Variants in DLG2 observed in about 807,000 individuals in gnomAD.
DLG2 encodes disks large homolog 2.
DLG2 carries 45 observed loss-of-function variants against 132.5 expected under a neutral mutation model. The ratio of observed to expected loss-of-function variants is 0.34; its 90% CI spans 0.27 to 0.44. The LOEUF (loss-of-function observed/expected upper bound fraction) is 0.44. Among genes scored for constraint, DLG2 ranks in the 20% least tolerant of loss-of-function variants. The pLI, the probability that DLG2 is intolerant of heterozygous loss-of-function variation, is 1.00. For missense variants in DLG2, 1,045 were observed against 1,196.9 expected (o/e 0.87, Z 1.87); for synonymous variants, 424 against 419.6 (o/e 1.01, Z -0.13).
chr11:83,909,226 A>G (rs1433499892), intron 15 of DLG2, among the ~76,000 whole-genome samples: 1 of 152,220 alleles, frequency 6.6e-6, no homozygotes, highest in East Asian at 1.9e-4. Context: ...AAGTTGCTAC[A>G]CAACCTTGGG....
chr11:84,403,540 T>C (rs1242534263), intron 7 of DLG2, among the ~76,000 whole-genome samples: 8 of 152,158 alleles, frequency 5.3e-5, no homozygotes, highest in South Asian at 4.2e-4. Context: ...CTCCAACCTC[T>C]ATTATTTTCT....
intron 7 of DLG2, among the ~76,000 whole-genome samples, chr11:84,386,179 A>C (rs1166732310): frequency 6.6e-6 from 1 of 151,268 alleles, no homozygotes; most frequent in Non-Finnish European, 1.5e-5. Context: ...AACTCTTAAC[A>C]CTCCTCTGGG....
At chr11:84,968,647 T>C (rs1354024373) in intron 6 of DLG2, among the ~76,000 whole-genome samples, 1 of 152,182 alleles carries the variant, frequency 6.6e-6, no homozygotes, top group Non-Finnish European at 1.5e-5. Context: ...TTGAAGACTA[T>C]GGTAGAATTT....
intron 19 of DLG2, among the ~76,000 whole-genome samples, chr11:83,605,766 AATACATGC>A (rs1477277772): frequency 6.6e-6 from 1 of 152,256 alleles, no homozygotes; most frequent in Non-Finnish European, 1.5e-5. Flanking sequence ...AACACAGAAC[AATACATGC>A]AAGAGTACTT....
chr11:84,007,229 A>T (rs2094613325), intron 11 of DLG2, among the ~76,000 whole-genome samples: 1 of 151,754 alleles, frequency 6.6e-6, no homozygotes, highest in South Asian at 2.1e-4. Flanking sequence ...TATGGTTCAG[A>T]TTTATGAAGT....
chr11:83,589,904 A>C (rs1593956953), intron 19 of DLG2, among the ~76,000 whole-genome samples: 1 of 143,368 alleles, frequency 7.0e-6, no homozygotes, highest in South Asian at 2.4e-4. Context: ...AGGCCATTAC[A>C]TAATAGTAAA....
intron 3 of DLG2, among the ~76,000 whole-genome samples, chr11:85,494,774 G>A (rs2093634672): frequency 6.6e-6 from 1 of 151,758 alleles, no homozygotes; most frequent in Admixed American, 6.6e-5. Flanking sequence ...AAATATGAAA[G>A]AAGAAATTAT....
At chr11:85,368,915 G>A (rs981703765) in intron 3 of DLG2, among the ~76,000 whole-genome samples, 1 of 152,184 alleles carries the variant, frequency 6.6e-6, no homozygotes, top group Non-Finnish European at 1.5e-5. Context: ...TTCAGGCAGT[G>A]GGCAGGAAGC....
intron 6 of DLG2, among the ~76,000 whole-genome samples, chr11:84,659,741 C>T (rs1422957618): frequency 6.6e-6 from 1 of 152,146 alleles, no homozygotes; most frequent in African/African-American, 2.4e-5. Context: ...TATAAGACCA[C>T]CCTCCTTTCT....
chr11:84,068,063 A>G (rs917124719), intron 10 of DLG2, among the ~76,000 whole-genome samples: 9 of 152,182 alleles, frequency 5.9e-5, no homozygotes, highest in Middle Eastern at 3.2e-3. Flanking sequence ...ATGTGACCAG[A>G]AGAAATAGAA....
chr11:84,376,723 C>T (rs1022856019), intron 7 of DLG2, among the ~76,000 whole-genome samples: 2 of 149,590 alleles, frequency 1.3e-5, no homozygotes, highest in African/African-American at 5.0e-5. Context: ...AAAAAAAAAA[C>T]AACTCATTTC....
intron 6 of DLG2, among the ~76,000 whole-genome samples, chr11:84,792,269 A>C (rs912561967): frequency 7.2e-5 from 11 of 152,114 alleles, no homozygotes; most frequent in African/African-American, 2.7e-4. Context: ...TCCTTGTGTC[A>C]CTGGGATAAA....
chr11:83,930,694 G>A (rs2080022854), intron 14 of DLG2, among the ~76,000 whole-genome samples: 1 of 152,176 alleles, frequency 6.6e-6, no homozygotes, highest in African/African-American at 2.4e-5. Flanking sequence ...GTGGCCCCAT[G>A]AAAATGTTCA....
At chr11:84,103,733 CAAATAT>C (rs1381412814) in intron 9 of DLG2, among the ~76,000 whole-genome samples, 2 of 152,026 alleles carry the variant, frequency 1.3e-5, no homozygotes, top group South Asian at 2.1e-4. Flanking sequence ...AGACATTTCA[CAAATAT>C]AAATATAATG....
intron 6 of DLG2, among the ~76,000 whole-genome samples, chr11:84,646,300 C>G (rs1261598837): frequency 1.3e-5 from 2 of 149,624 alleles, no homozygotes; most frequent in East Asian, 1.9e-4. Flanking sequence ...AGGGTTTGAC[C>G]ACCTCCGTGG....
chr11:83,985,658 C>A (rs1281502819), intron 11 of DLG2, among the ~76,000 whole-genome samples: 1 of 152,016 alleles, frequency 6.6e-6, no homozygotes, highest in African/African-American at 2.4e-5. Flanking sequence ...GCTTCCAGCT[C>A]CATCCATGTC....
intron 18 of DLG2, among the ~76,000 whole-genome samples, chr11:83,652,896 T>C (rs1280913483): frequency 1.3e-5 from 2 of 152,210 alleles, no homozygotes; most frequent in East Asian, 3.8e-4. Context: ...CATTACTAGC[T>C]CACACCTTCT....
At chr11:84,922,156 A>C (rs895850501) in intron 6 of DLG2, among the ~76,000 whole-genome samples, 1 of 151,894 alleles carries the variant, frequency 6.6e-6, no homozygotes, top group Non-Finnish European at 1.5e-5. Context: ...TAAAAAGGGG[A>C]AACACTTTAT....
At chr11:84,087,764 G>A (rs908713648) in intron 10 of DLG2, among the ~76,000 whole-genome samples, 6 of 152,212 alleles carry the variant, frequency 3.9e-5, no homozygotes, top group African/African-American at 1.4e-4. Flanking sequence ...GCCTTTTGAA[G>A]TTGGGAAAAG....
Sources: gnomAD v4.1 joint callset for allele counts (sites outside exome capture counted in the v4.1 genomes callset) on GRCh38, gnomAD v4.1.1 for gene constraint, MANE v1.5 for transcripts, NCBI Gene and HGNC (gene_info 2026-07-23, HGNC 2026-07-21) for gene names.